VSTM4: variants seen among roughly 807,000 people sequenced by gnomAD.
VSTM4 encodes V-set and transmembrane domain-containing protein 4.
A neutral mutation model predicts 36.4 loss-of-function variants in VSTM4; 20 were observed. The observed-to-expected ratio is 0.55, with a 90% CI of 0.39 to 0.80. VSTM4 has a LOEUF of 0.80. VSTM4 is among the 30% of genes least tolerant of loss of function. The pLI is 0.00. For missense variants in VSTM4, 392 were observed against 404.5 expected, an observed-to-expected ratio of 0.97 and a Z score of 0.26; for synonymous variants, 182 against 173.9, an observed-to-expected ratio of 1.05 and a Z score of -0.37.
intron 7 of VSTM4, among the ~76,000 whole-genome samples, chr10:49,030,700 C>T (rs931458235): frequency 6.6e-6 from 1 of 152,142 alleles, no homozygotes; most frequent in Non-Finnish European, 1.5e-5. Flanking sequence ...CAAAGTGCGT[C>T]CTCAGAATGG....
chr10:49,111,342 G>A (rs7072243), intron 1 of VSTM4, among the ~76,000 whole-genome samples: 73,806 of 152,030 alleles, frequency 0.49, 19,156 homozygotes, highest in African/African-American at 0.69. Flanking sequence ...AGGACAGGAC[G>A]AGGGGAAGCA....
chr10:49,102,602 G>A (rs961058701), intron 2 of VSTM4: 2 of 985,236 alleles, frequency 2.0e-6, no homozygotes, highest in South Asian at 9.4e-5. Context: ...GGCATTGATG[G>A]AAGATGAAAG....
rs1843122550 is a variant in VSTM4, at chr10:49,017,634, G to A, written c.*2016C>T. On this transcript the variant is annotated 3_prime_UTR_variant, in exon 8 of 8. Transcript: ENST00000332853. ...GGTGAATGAAGTTCATTTCCGTTCTGTAGAGGCCTAAGGGGCCTGGGAAGA... is the reference window on the plus strand; with the variant it reads ...GGTGAATGAAGTTCATTTCCGTTCTATAGAGGCCTAAGGGGCCTGGGAAGA... 6.6e-6 allele frequency: 1 copy of A among 152,172 alleles called. No homozygotes were observed. Among genetic ancestry groups the A allele is most frequent in the African/African-American group, 2.4e-5 (1 of 41,434 alleles). 9.4% of individuals were successfully genotyped at this position (152,172 alleles called of 1,614,324 possible).
Position 49,048,516 on chromosome 10 carries a change from T to G in VSTM4, c.737A>C (p.Lys246Thr). 1 of 1,600,692 alleles carries G rather than the reference T, an allele frequency of 6.2e-7. No homozygotes were observed. The highest frequency in any genetic ancestry group is 8.5e-7 in the Non-Finnish European group (1 of 1,174,938). The change falls in exon 6 of 8, where the codon AAG (lysine) becomes ACG (threonine). Residue 246 changes from lysine to threonine, a missense_variant. Transcript: ENST00000332853. ...TGCGGGAGGAATGTCAGGCTTCTCCTTCTGCCTCTTGCCCTTCTTGGGCTG... is the reference window on the plus strand; with the variant it reads ...TGCGGGAGGAATGTCAGGCTTCTCCGTCTGCCTCTTGCCCTTCTTGGGCTG... Reference protein sequence around the residue: ...PLQPKKGKRQKEKPDIPPAVP... With the variant: ...PLQPKKGKRQTEKPDIPPAVP...
chr10:49,025,917 T>A (rs1315535178), intron 7 of VSTM4, among the ~76,000 whole-genome samples: 1 of 152,228 alleles, frequency 6.6e-6, no homozygotes, highest in Non-Finnish European at 1.5e-5. Flanking sequence ...TGAAGCCACT[T>A]TTCTTTTGTT....
At chr10:49,026,450 T>C (rs1843263222) in intron 7 of VSTM4, among the ~76,000 whole-genome samples, 1 of 152,264 alleles carries the variant, frequency 6.6e-6, no homozygotes, top group Non-Finnish European at 1.5e-5. Flanking sequence ...CCCTGGACTA[T>C]GCCCAGATAT....
At chr10:49,073,399 T>C (rs1227124097) in intron 4 of VSTM4, among the ~76,000 whole-genome samples, 1 of 152,230 alleles carries the variant, frequency 6.6e-6, no homozygotes, top group Non-Finnish European at 1.5e-5. Flanking sequence ...CTGGGCAATT[T>C]GCCACTGCTC....
chr10:49,055,185 GTCCTCCCAACA>G (rs1483247183), intron 5 of VSTM4, among the ~76,000 whole-genome samples: 1 of 152,202 alleles, frequency 6.6e-6, no homozygotes, highest in African/African-American at 2.4e-5. Context: ...GTTGGCTCCA[GTCCTCCCAACA>G]TCCTTCCAGG....
rs115584120 is a variant in VSTM4, at chr10:49,114,888, C to T, written c.55+543G>A. ...GCAGGGTGCTGGTGGAGAGGCGTCGCTGCATCCAGCCGTGGATGCCCCTCT... is the reference window on the plus strand; with the variant it reads ...GCAGGGTGCTGGTGGAGAGGCGTCGTTGCATCCAGCCGTGGATGCCCCTCT... On this transcript the variant is annotated intron_variant, in intron 1 of 7. Transcript: ENST00000332853. 9.9e-3 allele frequency among the ~76,000 whole-genome samples: 1,504 copies of T among 152,276 alleles called. 52 individuals are homozygous for T. The South Asian group carries it at 0.12, about 12-fold the overall frequency.
chr10:49,095,943 T>C (rs1844563587), intron 2 of VSTM4, among the ~76,000 whole-genome samples: 1 of 152,168 alleles, frequency 6.6e-6, no homozygotes, highest in African/African-American at 2.4e-5. Flanking sequence ...GAGATTAAGT[T>C]TTTAATCTAA....
chr10:49,039,584 A>G (rs988866742), intron 7 of VSTM4, among the ~76,000 whole-genome samples: 1 of 151,748 alleles, frequency 6.6e-6, no homozygotes, highest in African/African-American at 2.4e-5. Context: ...GGGTGGCCTG[A>G]CCCCCTCAGC....
At chr10:49,105,354 T>C (rs1014654993) in intron 2 of VSTM4, among the ~76,000 whole-genome samples, 3 of 98,560 alleles carry the variant, frequency 3.0e-5, no homozygotes, top group African/African-American at 1.2e-4. Context: ...CAGAGAGAGA[T>C]ATACCAAGAG....
chr10:49,030,250 C>G (rs369940157), intron 7 of VSTM4, among the ~76,000 whole-genome samples: 1 of 152,334 alleles, frequency 6.6e-6, no homozygotes, highest in East Asian at 1.9e-4. Context: ...GGACCTCTGG[C>G]TCTAGCAGCA....
intron 7 of VSTM4, among the ~76,000 whole-genome samples, chr10:49,026,798 C>T (rs943464787): frequency 6.6e-6 from 1 of 152,164 alleles, no homozygotes; most frequent in Non-Finnish European, 1.5e-5. Flanking sequence ...GACCTGGGTT[C>T]TCTAGCAATG....
intron 5 of VSTM4, among the ~76,000 whole-genome samples, chr10:49,061,983 A>T (rs1013407000): frequency 1.3e-5 from 2 of 152,178 alleles, no homozygotes; most frequent in Non-Finnish European, 2.9e-5. Flanking sequence ...AAATTTTAAG[A>T]TCTACCTATA....
chr10:49,051,067 T>C (rs1843690101), intron 5 of VSTM4, among the ~76,000 whole-genome samples: 1 of 152,192 alleles, frequency 6.6e-6, no homozygotes, highest in Admixed American at 6.5e-5. Context: ...TCCCTCAAAG[T>C]CCACAGGTCA....
In VSTM4 at chr10:49,015,967, C is replaced by T. The variant is rs982162147; in HGVS notation, c.*3683G>A. 1 of 152,264 alleles carries T rather than the reference C, an allele frequency of 6.6e-6. No individual in the cohort carries two copies. The highest frequency in any genetic ancestry group is 1.5e-5 in the Non-Finnish European group (1 of 68,090). 9.4% of individuals were successfully genotyped at this position (152,264 alleles called of 1,614,324 possible). On this transcript the variant is annotated 3_prime_UTR_variant, in exon 8 of 8. Coordinates refer to ENST00000332853, the MANE Select transcript of VSTM4 (RefSeq NM_001031746.5). Reference sequence around the variant, plus strand: ...GGGAGAGCATCAGTCCTGGAGCCCTCCATCGGGAGCTCTCCATTAAGAAGG... The same window carrying T: ...GGGAGAGCATCAGTCCTGGAGCCCTTCATCGGGAGCTCTCCATTAAGAAGG...
At chr10:49,105,760 G>A (rs528986105) in intron 2 of VSTM4, among the ~76,000 whole-genome samples, 5 of 152,002 alleles carry the variant, frequency 3.3e-5, no homozygotes, top group East Asian at 1.9e-4. Flanking sequence ...AAGATATTTC[G>A]TCTGTGACTC....
chr10:49,081,671 A>G, intron 3 of VSTM4, among the ~76,000 whole-genome samples: 1 of 152,222 alleles, frequency 6.6e-6, no homozygotes, highest in East Asian at 1.9e-4. Flanking sequence ...AGCCAGGGCT[A>G]CAGAATCAGA....
Sources: allele counts gnomAD v4.1 joint callset (sites outside exome capture counted in the v4.1 genomes callset), GRCh38; gene constraint gnomAD v4.1.1; transcripts MANE v1.5; gene names NCBI Gene and HGNC (gene_info 2026-07-23, HGNC 2026-07-21).